Variants in DISC1 observed in about 807,000 individuals in gnomAD.
DISC1 encodes disrupted in schizophrenia 1 protein.
DISC1 carries 57 observed loss-of-function variants against 84.5 expected under a neutral mutation model. That is an observed-to-expected ratio of 0.67 (90% confidence interval 0.55 to 0.84). The LOEUF is 0.84. Among genes scored for constraint, DISC1 ranks in the 40% least tolerant of loss-of-function variants. The pLI is 0.00. For missense variants in DISC1, 1,000 were observed against 1,057.8 expected, an observed-to-expected ratio of 0.95 and a Z score of 0.76; for synonymous variants, 411 against 415.2, an observed-to-expected ratio of 0.99 and a Z score of 0.12.
At chr1:231,882,448 G>T (rs1193028072) in intron 9 of DISC1, among the ~76,000 whole-genome samples, 1 of 152,182 alleles carries the variant, frequency 6.6e-6, no homozygotes, top group African/African-American at 2.4e-5. Flanking sequence ...GAGAAAATGT[G>T]TTTGATTTTT....
At chr1:231,859,086 C>T (rs1040664757) in intron 9 of DISC1, among the ~76,000 whole-genome samples, 2 of 152,166 alleles carry the variant, frequency 1.3e-5, no homozygotes. Context: ...TGGAAACCAG[C>T]ATACTTCTGG....
chr1:231,956,927 C>T (rs556122867), intron 9 of DISC1, among the ~76,000 whole-genome samples: 25 of 152,284 alleles, frequency 1.6e-4, no homozygotes, highest in South Asian at 1.0e-3. Flanking sequence ...CAGAGAGCCA[C>T]GCAGAAACTG....
chr1:231,884,351 G>T (rs1374743596), intron 9 of DISC1, among the ~76,000 whole-genome samples: 2 of 152,124 alleles, frequency 1.3e-5, no homozygotes, highest in Non-Finnish European at 2.9e-5. Context: ...TGCAGTATTT[G>T]GTTTTCTGTT....
chr1:231,669,355 A>G (rs1338648461), intron 1 of DISC1, among the ~76,000 whole-genome samples: 5 of 152,238 alleles, frequency 3.3e-5, no homozygotes, highest in African/African-American at 9.6e-5. Flanking sequence ...AATTGCAACA[A>G]AAGCAAAAAT....
chr1:231,722,372 C>G (rs918470792), intron 3 of DISC1, among the ~76,000 whole-genome samples: 2 of 152,112 alleles, frequency 1.3e-5, no homozygotes, highest in African/African-American at 4.8e-5. Flanking sequence ...CTGTAGAATG[C>G]GGACAGCTCT....
intron 9 of DISC1, among the ~76,000 whole-genome samples, chr1:231,895,410 C>A (rs908755411): frequency 6.7e-6 from 1 of 149,974 alleles, no homozygotes; most frequent in East Asian, 1.9e-4. Flanking sequence ...TATGTATCTC[C>A]CTCATATATA....
chr1:231,779,622 G>A (rs1224453342), intron 6 of DISC1, among the ~76,000 whole-genome samples: 1 of 137,582 alleles, frequency 7.3e-6, no homozygotes, highest in Admixed American at 8.2e-5. Flanking sequence ...GTGCGGTGGT[G>A]CATCTCAGCT....
intron 9 of DISC1, among the ~76,000 whole-genome samples, chr1:231,880,496 CTT>C (rs1300975485): frequency 6.6e-6 from 1 of 152,036 alleles, no homozygotes; most frequent in Non-Finnish European, 1.5e-5. Context: ...AATTTTTGCT[CTT>C]GATTTTATTT....
chr1:232,005,062 C>T lies in DISC1; in HGVS notation c.2043-3723C>T, dbSNP rs1370312600. On this transcript the variant is annotated intron_variant, in intron 10 of 12. Coordinates refer to ENST00000439617, the MANE Select transcript of DISC1 (RefSeq NM_018662.3). ...CCTCCATCCTTCCTTCCTTCCTTCC[C>T]TCTCTCCCTCCCTCCCTCCCTCCTC... Among the ~76,000 whole-genome samples the T allele has an allele frequency of 1.6e-3, 178 of 112,494 alleles. 4 individuals are homozygous for T. The highest frequency in any genetic ancestry group is 5.9e-3 in the African/African-American group (166 of 27,988). 73.8% of individuals were successfully genotyped at this position (112,494 alleles called of 152,430 possible). A position where few individuals can be genotyped will look rare whatever the true frequency, so the allele number is the denominator to read the frequency against.
intron 10 of DISC1, chr1:231,959,385 G>T: frequency 1.0e-6 from 1 of 985,810 alleles, no homozygotes; most frequent in East Asian, 1.1e-4. Context: ...AAATGTCAGG[G>T]ATGCTGCAGC....
intron 9 of DISC1, chr1:231,855,262 T>A: frequency 1.0e-6 from 1 of 964,944 alleles, no homozygotes; most frequent in Non-Finnish European, 1.2e-6. Context: ...CAAGAGTGTC[T>A]CATAAATAAC....
At chr1:231,701,745 A>T (rs2066446992) in intron 2 of DISC1, among the ~76,000 whole-genome samples, 1 of 152,140 alleles carries the variant, frequency 6.6e-6, no homozygotes, top group Admixed American at 6.5e-5. Context: ...TGTGGATGTT[A>T]TGCTCAAATT....
At chr1:231,860,453 G>A (rs565098127) in intron 9 of DISC1, among the ~76,000 whole-genome samples, 21 of 152,244 alleles carry the variant, frequency 1.4e-4, no homozygotes, top group East Asian at 5.8e-4. Context: ...TTGGTGCTCA[G>A]AAAATAGTGA....
chr1:231,844,649 T>C (rs1347233100), intron 9 of DISC1, among the ~76,000 whole-genome samples: 2 of 151,976 alleles, frequency 1.3e-5, no homozygotes, highest in African/African-American at 4.8e-5. Context: ...TGATTGGCAA[T>C]TGGTCAAAAG....
intron 9 of DISC1, among the ~76,000 whole-genome samples, chr1:231,838,798 G>A (rs1445598634): frequency 2.6e-5 from 4 of 152,144 alleles, no homozygotes; most frequent in East Asian, 3.9e-4. Context: ...ACACCTGTGC[G>A]GCAGTGGACC....
intron 9 of DISC1, among the ~76,000 whole-genome samples, chr1:231,824,854 C>T (rs1009047607): frequency 6.6e-6 from 1 of 151,704 alleles, no homozygotes; most frequent in Admixed American, 6.6e-5. Context: ...ACTGTAGAAC[C>T]AGATCTTGAA....
In DISC1 at chr1:231,647,017, T is replaced by C. The variant is rs192509760; in HGVS notation, c.67+20083T>C. Among the ~76,000 whole-genome samples, 305 of 152,366 alleles carry C rather than the reference T, an allele frequency of 2.0e-3. 2 individuals are homozygous for C. The highest frequency in any genetic ancestry group is 7.1e-3 in the African/African-American group (294 of 41,584). ...ATTTTCTCCCATTCTATAGGTTGCC[T>C]GTTCACTCTGATGGTAGTTTCTGTT... On this transcript the variant is annotated intron_variant, in intron 1 of 12. Transcript: ENST00000439617.
intron 9 of DISC1, among the ~76,000 whole-genome samples, chr1:231,947,472 A>G (rs1013613932): frequency 6.6e-6 from 1 of 152,224 alleles, no homozygotes; most frequent in African/African-American, 2.4e-5. Flanking sequence ...TGGATCAGAG[A>G]CTTAAACGTA....
rs995153858 is a variant in DISC1, at chr1:231,854,340, G to A, written c.1981+35823G>A. On this transcript the variant is annotated intron_variant, in intron 9 of 12. Coordinates refer to ENST00000439617, the MANE Select transcript of DISC1 (RefSeq NM_018662.3). ...TGATAATATGAAATATGATAGATGT[G>A]ATATATAGAACTGTAAAACTTTTAA... is the stretch of plus-strand genomic sequence containing the variant. Among the ~76,000 whole-genome samples the A allele has an allele frequency of 4.6e-5, 7 of 152,234 alleles. 1 individual carries two copies. The South Asian group carries it at 6.2e-4, about 14-fold the overall frequency.
Sources: allele counts gnomAD v4.1 joint callset (sites outside exome capture counted in the v4.1 genomes callset), GRCh38; gene constraint gnomAD v4.1.1; transcripts MANE v1.5; gene names NCBI Gene and HGNC (gene_info 2026-07-23, HGNC 2026-07-21).